AK8: variants seen among roughly 807,000 people sequenced by gnomAD.
AK8 encodes adenylate kinase 8, also known as ATP-AMP transphosphorylase 8.
In AK8, 44 loss-of-function variants were observed where a neutral mutation model predicts 54.6. That is an observed-to-expected ratio of 0.81 (90% CI 0.63 to 1.04). The LOEUF (loss-of-function observed/expected upper bound fraction) is 1.04. AK8 is among the 50% of genes least tolerant of loss of function. AK8 has a pLI of 0.00. For synonymous variants in AK8, 239 were observed against 245.6 expected, an observed-to-expected ratio of 0.97 and a Z score of 0.25; for missense variants, 555 against 613.6, an observed-to-expected ratio of 0.90 and a Z score of 1.01.
intron 11 of AK8, among the ~76,000 whole-genome samples, chr9:132,763,782 T>C (rs1193439481): frequency 6.6e-6 from 1 of 152,244 alleles, no homozygotes; most frequent in Non-Finnish European, 1.5e-5. Flanking sequence ...AATTGTTCTT[T>C]GCTTAATTAA....
At chr9:132,785,954 CGA>C (rs1218497438) in intron 11 of AK8, among the ~76,000 whole-genome samples, 4 of 152,144 alleles carry the variant, frequency 2.6e-5, no homozygotes, top group Non-Finnish European at 5.9e-5. Flanking sequence ...CACAGAAAAA[CGA>C]TAGGAAAGGC....
At chr9:132,793,887 C>T (rs897432443) in intron 10 of AK8, among the ~76,000 whole-genome samples, 2 of 152,172 alleles carry the variant, frequency 1.3e-5, no homozygotes, top group African/African-American at 4.8e-5. Flanking sequence ...TTGGCAGTTT[C>T]TCTGGAAGCT....
chr9:132,737,769 T>C (rs1177297543), intron 11 of AK8, among the ~76,000 whole-genome samples: 1 of 152,234 alleles, frequency 6.6e-6, no homozygotes, highest in Non-Finnish European at 1.5e-5. Context: ...AAGATCATAC[T>C]TAATGCCCAA....
At chr9:132,756,526 A>C (rs1227113031) in intron 11 of AK8, among the ~76,000 whole-genome samples, 1 of 152,236 alleles carries the variant, frequency 6.6e-6, no homozygotes, top group Non-Finnish European at 1.5e-5. Context: ...TTCTGCACTG[A>C]TAACAAATCT....
chr9:132,863,233 T>C (rs933106347), intron 4 of AK8, among the ~76,000 whole-genome samples: 5 of 152,286 alleles, frequency 3.3e-5, no homozygotes, highest in African/African-American at 1.2e-4. Context: ...GTACAGAACA[T>C]GGGGGCTTTC....
chr9:132,800,357 C>A (rs1352572345), intron 10 of AK8, among the ~76,000 whole-genome samples: 3 of 152,184 alleles, frequency 2.0e-5, no homozygotes, highest in Non-Finnish European at 4.4e-5. Context: ...TTCTGCATCC[C>A]CCAAGTGAAC....
intron 5 of AK8, among the ~76,000 whole-genome samples, chr9:132,853,688 A>G: frequency 6.9e-6 from 1 of 145,408 alleles, no homozygotes; most frequent in Non-Finnish European, 1.5e-5. Context: ...GGGGAGGTTG[A>G]GGCGAGAGGA....
intron 10 of AK8, among the ~76,000 whole-genome samples, chr9:132,794,037 G>A (rs1465941293): frequency 3.3e-5 from 5 of 152,166 alleles, no homozygotes; most frequent in East Asian, 1.9e-4. Context: ...ACTGCCAGCC[G>A]TTTTCCCTGT....
intron 11 of AK8, among the ~76,000 whole-genome samples, chr9:132,745,343 G>C (rs150911901): frequency 1.3e-5 from 2 of 152,286 alleles, no homozygotes; most frequent in Admixed American, 6.5e-5. Flanking sequence ...CTCGGATTAC[G>C]CGGCTAATTG....
intron 10 of AK8, among the ~76,000 whole-genome samples, chr9:132,804,091 T>G (rs1840600437): frequency 2.5e-5 from 3 of 121,146 alleles, no homozygotes; most frequent in South Asian, 2.6e-4. Flanking sequence ...GGGGACAGAG[T>G]GAGACTCCAT....
intron 11 of AK8, among the ~76,000 whole-genome samples, chr9:132,736,850 A>T (rs571183104): frequency 6.6e-5 from 10 of 152,078 alleles, no homozygotes; most frequent in East Asian, 5.8e-4. Context: ...CCTTGAAGAC[A>T]TTATGCTAAG....
intron 11 of AK8, among the ~76,000 whole-genome samples, chr9:132,753,902 T>A (rs1365169654): frequency 6.6e-6 from 1 of 152,206 alleles, no homozygotes; most frequent in Non-Finnish European, 1.5e-5. Context: ...TTAGGTCCCA[T>A]CATTGCCTCC....
At chr9:132,755,751 C>T (rs1455489551) in intron 11 of AK8, among the ~76,000 whole-genome samples, 1 of 150,080 alleles carries the variant, frequency 6.7e-6, no homozygotes, top group African/African-American at 2.4e-5. Flanking sequence ...AGGCCAATGA[C>T]TGGCTCCAAC....
intron 11 of AK8, among the ~76,000 whole-genome samples, chr9:132,759,237 G>T (rs1045820789): frequency 6.6e-6 from 1 of 151,134 alleles, no homozygotes; most frequent in South Asian, 2.1e-4. Flanking sequence ...CAATTCCACA[G>T]GTTTTAGCAC....
At chr9:132,878,306 G>T, upstream of AK8, 2 of 1,322,922 alleles carry the variant, frequency 1.5e-6, no homozygotes, top group Non-Finnish European at 1.9e-6. The surrounding 1 kb of genome is among the most constrained non-coding windows in gnomAD (Gnocchi z 4.7). Context: ...TAGGGCCGCC[G>T]CGCCGACTGC....
chr9:132,863,687 C>T lies in AK8; in HGVS notation c.311G>A (p.Arg104Lys). The T allele has an allele frequency of 1.2e-6, 2 of 1,613,794 alleles. No individual in the cohort carries two copies. Among genetic ancestry groups the T allele is most frequent in the Non-Finnish European group, 1.7e-6 (2 of 1,179,878 alleles). Residue 104 changes from arginine (R) to lysine (K), a missense_variant, in exon 4 of 13, where the codon AGA becomes AAA. Arg to Lys is a conservative substitution (Grantham distance 26, BLOSUM62 2). Transcript: ENST00000298545. Reference protein sequence around the residue: ...NEFSYTATEARRLYLQRKTVP... With the variant: ...NEFSYTATEAKRLYLQRKTVP... ...TACCTTCCTTTGCAGATAAAGCCTTCTGGCTTCGGTGGCCGTATAGGAAAA... is the reference window on the plus strand; with the variant it reads ...TACCTTCCTTTGCAGATAAAGCCTTTTGGCTTCGGTGGCCGTATAGGAAAA...
At chr9:132,828,582 G>A (rs961883526) in intron 6 of AK8, 63 bp downstream of exon 6, 46 of 1,460,094 alleles carry the variant, frequency 3.2e-5, no homozygotes, top group Middle Eastern at 3.9e-4. Context: ...TGAGCGGGGC[G>A]CTCACTGGCC....
rs1844214863 is a variant in AK8, at chr9:132,878,009, C to T, written c.84+163G>A. 6 of 1,512,676 alleles carry T rather than the reference C, an allele frequency of 4.0e-6. No homozygotes were observed. Among genetic ancestry groups the T allele is most frequent in the East Asian group, 2.5e-5 (1 of 40,234 alleles). 93.7% of individuals were successfully genotyped at this position (1,512,676 alleles called of 1,614,324 possible). ...ACCAGGAGCGTCCCCAGCTCGAGGG[C>T]CCCCTCGGGGTCACGGCGACACACG... On this transcript the variant is annotated intron_variant, in intron 1 of 12. Transcript: ENST00000298545. This position sits in a 1 kb window ranked among gnomAD's most constrained non-coding sequence, Gnocchi z 4.7.
chr9:132,755,761 C>T (rs929030303), intron 11 of AK8, among the ~76,000 whole-genome samples: 5 of 139,462 alleles, frequency 3.6e-5, no homozygotes, highest in African/African-American at 1.2e-4. Context: ...CTGGCTCCAA[C>T]TCTCAGATTT....
Sources: allele counts gnomAD v4.1 joint callset (sites outside exome capture counted in the v4.1 genomes callset), GRCh38; gene constraint gnomAD v4.1.1; non-coding constraint Gnocchi (gnomAD v3.1); transcripts MANE v1.5; gene names NCBI Gene and HGNC (gene_info 2026-07-23, HGNC 2026-07-21).